The following CHKA variants were observed in gnomAD, a reference collection of about 807,000 sequenced individuals.
CHKA encodes CHETK-alpha.
A neutral mutation model predicts 60.1 loss-of-function variants in CHKA; 34 were observed. That is an observed-to-expected ratio of 0.57 (90% CI 0.43 to 0.75). The LOEUF (loss-of-function observed/expected upper bound fraction) is 0.75. Among genes scored for constraint, CHKA ranks in the 30% least tolerant of loss-of-function variants. The pLI is 0.00. For synonymous variants in CHKA, 217 were observed against 223.1 expected, an observed-to-expected ratio of 0.97 and a Z score of 0.24; for missense variants, 563 against 561.3, an observed-to-expected ratio of 1.00 and a Z score of -0.03.
intron 3 of CHKA, among the ~76,000 whole-genome samples, chr11:68,081,190 C>T (rs1856975880): frequency 1.3e-5 from 2 of 152,136 alleles, no homozygotes; most frequent in Non-Finnish European, 2.9e-5. Flanking sequence ...CAAACTTCCA[C>T]AGTCTACACT....
intron 11 of CHKA, among the ~76,000 whole-genome samples, chr11:68,058,799 T>C (rs920730205): frequency 6.6e-6 from 1 of 152,202 alleles, no homozygotes; most frequent in African/African-American, 2.4e-5. Context: ...ACAGAAGACA[T>C]GCAGTGAGAA....
chr11:68,091,473 A>G (rs1003053764), intron 2 of CHKA, among the ~76,000 whole-genome samples: 1 of 152,210 alleles, frequency 6.6e-6, no homozygotes, highest in African/African-American at 2.4e-5. Flanking sequence ...TGACCTTGCC[A>G]AACACAGGAA....
At position 68,092,330 on chromosome 11, in the gene CHKA, G is replaced by A. The variant is rs932899137; in HGVS notation, c.462+4689C>T. 3.9e-5 allele frequency among the ~76,000 whole-genome samples: 6 copies of A among 152,120 alleles called. No homozygotes were observed. The East Asian group carries it at 1.2e-3, about 29-fold the overall frequency. Reference sequence around the variant, plus strand: ...AATTCTGGCTTTTTTTGTTGTGATAGGAACAAAACCCTCATTGTAGACCAT... The same window carrying A: ...AATTCTGGCTTTTTTTGTTGTGATAAGAACAAAACCCTCATTGTAGACCAT... On this transcript the variant is annotated intron_variant, in intron 2 of 11. Coordinates refer to ENST00000265689, the MANE Select transcript of CHKA (RefSeq NM_001277.3).
Position 68,097,024 on chromosome 11 carries a change from G to A in CHKA, c.457C>T (p.Gln153Ter). 6.2e-7 allele frequency: 1 copy of A among 1,609,682 alleles called. No homozygotes were observed. Among genetic ancestry groups the A allele is most frequent in the Non-Finnish European group, 8.5e-7 (1 of 1,177,546 alleles). ...AAAGTAGCCTACCAACTCACCATCT[G>A]CAAAATCGCTCCATACAGCCGCAGG... ...VLLRLYGAIL[Q>*]MRSCNKEGSE... Residue 153 changes from glutamine (Q) to a stop codon, truncating the protein, a stop_gained, in exon 2 of 12, where the codon CAG becomes TAG. Coordinates refer to ENST00000265689, the MANE Select transcript of CHKA (RefSeq NM_001277.3). LOFTEE classifies it high-confidence loss of function.
chr11:68,084,694 T>C (rs1458551699), intron 2 of CHKA, among the ~76,000 whole-genome samples: 3 of 151,964 alleles, frequency 2.0e-5, no homozygotes, highest in African/African-American at 4.8e-5. Flanking sequence ...ATTACTGTGG[T>C]CATTTTTAAA....
chr11:68,082,201 A>C (rs972674073), intron 2 of CHKA: 4 of 152,028 alleles, frequency 2.6e-5, no homozygotes, highest in Admixed American at 6.6e-5. Context: ...TACCATAAAC[A>C]ACCCTTGGGC....
intron 2 of CHKA, among the ~76,000 whole-genome samples, chr11:68,090,758 C>G (rs1476342119): frequency 2.0e-5 from 3 of 152,124 alleles, no homozygotes; most frequent in Admixed American, 2.0e-4. Context: ...AAAAAACAAA[C>G]AAAAACAATT....
At chr11:68,091,255 G>A (rs1857340114) in intron 2 of CHKA, among the ~76,000 whole-genome samples, 1 of 152,122 alleles carries the variant, frequency 6.6e-6, no homozygotes, top group Admixed American at 6.5e-5. Flanking sequence ...TAGTTTTACA[G>A]TTGAGTTTGG....
intron 4 of CHKA, among the ~76,000 whole-genome samples, chr11:68,074,266 G>T (rs1856713532): frequency 6.6e-6 from 1 of 152,214 alleles, no homozygotes; most frequent in Non-Finnish European, 1.5e-5. Context: ...ATGGGGACAG[G>T]AAGATGGGAG....
chr11:68,087,125 C>A (rs1857205554), intron 2 of CHKA, among the ~76,000 whole-genome samples: 1 of 152,156 alleles, frequency 6.6e-6, no homozygotes, highest in African/African-American at 2.4e-5. Flanking sequence ...AATAGCATGT[C>A]ATCAATAGCA....
chr11:68,092,083 C>T (rs1420284911), intron 2 of CHKA, among the ~76,000 whole-genome samples: 2 of 152,038 alleles, frequency 1.3e-5, no homozygotes, highest in African/African-American at 2.4e-5. Context: ...TTGGGAGATA[C>T]CAGTTATATT....
At chr11:68,091,217 T>C (rs1857339104) in intron 2 of CHKA, among the ~76,000 whole-genome samples, 1 of 152,262 alleles carries the variant, frequency 6.6e-6, no homozygotes, top group Non-Finnish European at 1.5e-5. Flanking sequence ...TCAAAACTTC[T>C]ATTAAATTAT....
chr11:68,116,571 T>C (rs1444343576), intron 1 of CHKA, among the ~76,000 whole-genome samples: 6 of 151,780 alleles, frequency 4.0e-5, no homozygotes, highest in Non-Finnish European at 7.4e-5. Flanking sequence ...AAAAAAAAAT[T>C]TAGCTGGACA....
At chr11:68,120,780 C>CAGGCG in intron 1 of CHKA, 48 bp downstream of exon 1, 1 of 1,040,532 alleles carries the variant, frequency 9.6e-7, no homozygotes, top group South Asian at 3.3e-5. Flanking sequence ...CCGGCCCCGC[C>CAGGCG]CCGCGTCACC....
At chr11:68,102,718 A>G (rs879394015) in intron 1 of CHKA, among the ~76,000 whole-genome samples, 11 of 152,214 alleles carry the variant, frequency 7.2e-5, no homozygotes, top group Non-Finnish European at 1.5e-4. Context: ...ATAGCAGACT[A>G]AAAAGCTTCT....
rs566796501 is a variant in CHKA, at chr11:68,062,548, C to T, written c.1233-514G>A. Among the ~76,000 whole-genome samples the T allele has an allele frequency of 2.8e-4, 42 of 152,298 alleles. No individual in the cohort carries two copies. The Middle Eastern group carries it at 0.01, about 37-fold the overall frequency. On this transcript the variant is annotated intron_variant, in intron 10 of 11. Transcript: ENST00000265689. ...GAAGTGAAAAGAGCAGATCAGAGAGCGTGAGCCACGTCACCATCTCTAAGC... is the reference window on the plus strand; with the variant it reads ...GAAGTGAAAAGAGCAGATCAGAGAGTGTGAGCCACGTCACCATCTCTAAGC...
chr11:68,079,479 G>A lies in CHKA; in HGVS notation c.516+1925C>T, dbSNP rs1027683592. On this transcript the variant is annotated intron_variant, in intron 3 of 11. Coordinates refer to ENST00000265689, the MANE Select transcript of CHKA (RefSeq NM_001277.3). Reference sequence around the variant, plus strand: ...CAAGTAGCTAGGACTACAGGCGCCCGCCACCACGCCTGGCTAATTTTTTTT... The same window carrying A: ...CAAGTAGCTAGGACTACAGGCGCCCACCACCACGCCTGGCTAATTTTTTTT... Among the ~76,000 whole-genome samples, 5 of 152,126 alleles carry A rather than the reference G, an allele frequency of 3.3e-5. No homozygotes were observed. The South Asian group carries it at 6.2e-4, about 19-fold the overall frequency.
At chr11:68,065,726 C>A in intron 9 of CHKA, 60 bp downstream of exon 9, 1 of 1,170,374 alleles carries the variant, frequency 8.5e-7, no homozygotes, top group South Asian at 1.2e-5. Context: ...AGATGTAATT[C>A]TAACTGCATG....
intron 1 of CHKA, among the ~76,000 whole-genome samples, chr11:68,104,096 C>A (rs1211129430): frequency 6.6e-6 from 1 of 152,026 alleles, no homozygotes; most frequent in Non-Finnish European, 1.5e-5. Flanking sequence ...AAGTGTCCAT[C>A]AACAGATGAA....
Sources: allele counts gnomAD v4.1 joint callset (sites outside exome capture counted in the v4.1 genomes callset), GRCh38; gene constraint gnomAD v4.1.1; transcripts MANE v1.5; gene names NCBI Gene and HGNC (gene_info 2026-07-23, HGNC 2026-07-21).